The following EPHA6 variants were observed in gnomAD, a reference collection of about 807,000 sequenced individuals.
EPHA6 encodes EPH receptor A6.
In EPHA6, 50 loss-of-function variants were observed where a neutral mutation model predicts 112.0. The observed-to-expected ratio is 0.45, with a 90% CI of 0.36 to 0.56. The LOEUF is 0.56. EPHA6 is among the 20% of genes least tolerant of loss of function. The pLI, the probability that EPHA6 is intolerant of heterozygous loss-of-function variation, is 0.00. For missense variants in EPHA6, 1,280 were observed against 1,417.4 expected, an observed-to-expected ratio of 0.90 and a Z score of 1.56; for synonymous variants, 529 against 490.7, an observed-to-expected ratio of 1.08 and a Z score of -1.03.
intron 3 of EPHA6, among the ~76,000 whole-genome samples, chr3:97,192,691 A>C (rs763316835): frequency 6.6e-6 from 1 of 152,054 alleles, no homozygotes; most frequent in Non-Finnish European, 1.5e-5. Context: ...TTACTCAAGA[A>C]ATTTTGCCCA....
At chr3:96,871,706 T>C (rs1344372589) in intron 2 of EPHA6, among the ~76,000 whole-genome samples, 1 of 152,052 alleles carries the variant, frequency 6.6e-6, no homozygotes, top group Non-Finnish European at 1.5e-5. Context: ...TGGTCAGTCA[T>C]TACAAAAATA....
intron 6 of EPHA6, 42 bp downstream of exon 6, chr3:97,405,316 G>A (rs774367122): frequency 3.7e-5 from 55 of 1,474,552 alleles, no homozygotes; most frequent in Non-Finnish European, 4.8e-5. Flanking sequence ...ACATATATAT[G>A]CATATATATG....
chr3:97,074,111 A>G (rs2046441955), intron 3 of EPHA6, among the ~76,000 whole-genome samples: 1 of 151,788 alleles, frequency 6.6e-6, no homozygotes, highest in East Asian at 1.9e-4. Context: ...TACACACACC[A>G]CGTTGCATTT....
intron 5 of EPHA6, among the ~76,000 whole-genome samples, chr3:97,401,105 T>G (rs748226653): frequency 2.0e-5 from 3 of 151,846 alleles, no homozygotes; most frequent in Non-Finnish European, 3.0e-5. Context: ...TATACCTAAT[T>G]TGTAGAAAGT....
At chr3:97,335,473 C>T (rs77175074) in intron 5 of EPHA6, among the ~76,000 whole-genome samples, 2,749 of 152,230 alleles carry the variant, frequency 0.018, 70 homozygotes, top group African/African-American at 0.061. Flanking sequence ...TGAATATTAA[C>T]ATATTCTCTA....
chr3:96,846,174 C>A (rs1047284263), intron 1 of EPHA6, among the ~76,000 whole-genome samples: 4 of 151,906 alleles, frequency 2.6e-5, no homozygotes, highest in African/African-American at 9.7e-5. Context: ...TTCTGTATAT[C>A]CTTGTCCCTA....
intron 11 of EPHA6, among the ~76,000 whole-genome samples, chr3:97,542,626 G>A (rs569647233): frequency 1.4e-4 from 22 of 152,206 alleles, no homozygotes; most frequent in East Asian, 5.8e-4. Flanking sequence ...GGGATTCGTG[G>A]GTCAAATGGT....
At chr3:97,425,870 G>A (rs565656735) in intron 6 of EPHA6, among the ~76,000 whole-genome samples, 4 of 152,194 alleles carry the variant, frequency 2.6e-5, no homozygotes, top group African/African-American at 9.6e-5. Context: ...AGATCTCTAG[G>A]GCAGGGGCAA....
intron 2 of EPHA6, among the ~76,000 whole-genome samples, chr3:96,941,332 G>T (rs201612400): frequency 1.3e-5 from 2 of 151,728 alleles, no homozygotes. Context: ...TTCCCTTCTC[G>T]CTTCATTTCA....
At chr3:96,920,829 G>A (rs2039720106) in intron 2 of EPHA6, among the ~76,000 whole-genome samples, 1 of 151,784 alleles carries the variant, frequency 6.6e-6, no homozygotes, top group Non-Finnish European at 1.5e-5. Flanking sequence ...TTAAATAATT[G>A]GAATTCACAG....
At chr3:97,720,188 T>G in intron 14 of EPHA6, 73 bp from the exon 15 acceptor site, 1 of 1,308,060 alleles carries the variant, frequency 7.6e-7, no homozygotes, top group Non-Finnish European at 1.0e-6. Flanking sequence ...TAATAAAAAA[T>G]ATTTAATTGG....
At chr3:96,971,034 C>G (rs2042299658) in intron 2 of EPHA6, among the ~76,000 whole-genome samples, 1 of 151,956 alleles carries the variant, frequency 6.6e-6, no homozygotes, top group Non-Finnish European at 1.5e-5. Context: ...TTTGCAATCC[C>G]TTTATTTAGA....
intron 14 of EPHA6, among the ~76,000 whole-genome samples, chr3:97,675,705 T>G (rs2031309785): frequency 6.6e-6 from 1 of 152,180 alleles, no homozygotes; most frequent in Non-Finnish European, 1.5e-5. Context: ...ACATTAATTT[T>G]TCCATCAGAT....
intron 2 of EPHA6, among the ~76,000 whole-genome samples, chr3:96,940,319 C>CTCT (rs1233525603): frequency 6.6e-6 from 1 of 151,730 alleles, no homozygotes; most frequent in African/African-American, 2.4e-5. Context: ...AGATAGTTAG[C>CTCT]TCTTGTTGAA....
At position 97,443,345 on chromosome 3, in the gene EPHA6, T is replaced by C. The variant is rs77782429; in HGVS notation, c.1732-5223T>C. On this transcript the variant is annotated intron_variant, in intron 6 of 17. Coordinates refer to ENST00000389672, the MANE Select transcript of EPHA6 (RefSeq NM_001080448.3). ...TAGAACAAGAGCTTTACCACTGTCT[T>C]AATTAAGACATCGCAAAAAAAAAAA... is the stretch of plus-strand genomic sequence containing the variant. Among the ~76,000 whole-genome samples the C allele has an allele frequency of 3.0e-5, 4 of 134,764 alleles. No homozygotes were observed. The South Asian group carries it at 9.3e-4, about 31-fold the overall frequency. 88.4% of individuals were successfully genotyped at this position (134,764 alleles called of 152,430 possible). A position where few individuals can be genotyped will look rare whatever the true frequency, so the allele number is the denominator to read the frequency against.
chr3:97,691,273 ACT>A (rs976602126), intron 14 of EPHA6, among the ~76,000 whole-genome samples: 145 of 151,820 alleles, frequency 9.6e-4, no homozygotes, highest in African/African-American at 3.3e-3. Flanking sequence ...TTAGTTTTAG[ACT>A]CTCAATTCTA....
At chr3:97,074,519 AGATT>A (rs763467312) in intron 3 of EPHA6, among the ~76,000 whole-genome samples, 5 of 151,918 alleles carry the variant, frequency 3.3e-5, no homozygotes, top group Non-Finnish European at 7.4e-5. Flanking sequence ...AGTATGAGTA[AGATT>A]GATCTTGAGA....
At chr3:97,683,141 TG>T (rs1483320253) in intron 14 of EPHA6, among the ~76,000 whole-genome samples, 1 of 152,214 alleles carries the variant, frequency 6.6e-6, no homozygotes, top group Non-Finnish European at 1.5e-5. Context: ...GGTCTTAAAA[TG>T]CTTTTGAATT....
chr3:97,153,702 AATTG>A (rs2076222389), intron 3 of EPHA6, among the ~76,000 whole-genome samples: 3 of 152,136 alleles, frequency 2.0e-5, no homozygotes, highest in Admixed American at 1.3e-4. Context: ...ACCTAAATGT[AATTG>A]ATTGTGCCAT....
Sources: allele counts gnomAD v4.1 joint callset (sites outside exome capture counted in the v4.1 genomes callset), GRCh38; gene constraint gnomAD v4.1.1; transcripts MANE v1.5; gene names NCBI Gene and HGNC (gene_info 2026-07-23, HGNC 2026-07-21).